SIN3B: variants seen among roughly 807,000 people sequenced by gnomAD.
SIN3B encodes the protein SIN3 transcription regulator family member B.
Under a neutral mutation model 120.2 loss-of-function variants are expected in SIN3B, and 19 were observed. The ratio of observed to expected loss-of-function variants is 0.16; its 90% CI spans 0.11 to 0.23. The LOEUF (loss-of-function observed/expected upper bound fraction) is 0.23. Among genes scored for constraint, SIN3B ranks in the 10% least tolerant of loss-of-function variants. The pLI is 1.00. For synonymous variants in SIN3B, 654 were observed against 653.2 expected (o/e 1.00, Z -0.02); for missense variants, 1,073 against 1,573.0 (o/e 0.68, Z 5.38).
At position 16,871,310 on chromosome 19, in the gene SIN3B, A is replaced by G. The variant is rs149583340; in HGVS notation, c.2504A>G (p.Gln835Arg). 413 of 1,614,038 alleles carry G rather than the reference A, an allele frequency of 2.6e-4. No homozygotes were observed. The highest frequency in any genetic ancestry group is 5.1e-5 in the Non-Finnish European group (60 of 1,180,018). The change falls in exon 14 of 19, where the codon CAG (glutamine) becomes CGG (arginine). Residue 835 changes from glutamine (Q) to arginine (R), a missense_variant. By Grantham distance (43) the Gln-to-Arg change is conservative. Coordinates refer to ENST00000248054, the MANE Select transcript of SIN3B (RefSeq NM_001297595.2). ...SLLEGSIDPTQYEDTLREMFT... is the reference protein window; with the variant it reads ...SLLEGSIDPTRYEDTLREMFT... ...CTGGAGGGCAGCATCGACCCCACGC[A>G]GTACGAGGACACCCTACGCGAGATG...
At position 16,831,483 on chromosome 19, in the gene SIN3B, G is replaced by T; in HGVS notation, c.228-11G>T. 2 of 1,612,000 alleles carry T rather than the reference G, an allele frequency of 1.2e-6. No homozygotes were observed. Among genetic ancestry groups the T allele is most frequent in the Non-Finnish European group, 1.7e-6 (2 of 1,178,748 alleles). On this transcript the variant is annotated splice_polypyrimidine_tract_variant and intron_variant, in intron 2 of 18. Coordinates refer to ENST00000248054, the MANE Select transcript of SIN3B (RefSeq NM_001297595.2). Reference sequence around the variant, plus strand: ...CAAGACCCTTTTGCCCACTTCCGTTGTTTCTTCTAGCATCGATACTCCTGG... The same window carrying T: ...CAAGACCCTTTTGCCCACTTCCGTTTTTTCTTCTAGCATCGATACTCCTGG...
intron 3 of SIN3B, among the ~76,000 whole-genome samples, chr19:16,834,181 G>A (rs892483065): frequency 1.3e-5 from 2 of 152,144 alleles, no homozygotes; most frequent in Admixed American, 6.5e-5. Flanking sequence ...GAACAGTCAC[G>A]ACTGCGGGAG....
At chr19:16,861,321 G>C (rs1465498914) in intron 8 of SIN3B, among the ~76,000 whole-genome samples, 2 of 152,172 alleles carry the variant, frequency 1.3e-5, no homozygotes, top group African/African-American at 4.8e-5. Context: ...CTGCAGGCCA[G>C]TGAAACTTTA....
Position 16,851,462 on chromosome 19 carries a change from C to T in SIN3B, c.777C>T (p.His259=), listed in dbSNP as rs149541599. ...CEMHSVQKNE[H]DKTPEHSRKR... ...TGCACAGCGTGCAGAAGAACGAGCA[C>T]GACAAGACCCCGGAGCACAGCAGGA... Residue 259 remains histidine (H), a synonymous_variant, in exon 6 of 19, where the codon CAC becomes CAT. Coordinates refer to ENST00000248054, the MANE Select transcript of SIN3B (RefSeq NM_001297595.2). 2.6e-5 allele frequency: 42 copies of T among 1,610,242 alleles called. No individual in the cohort carries two copies. The African/African-American group carries it at 2.9e-4, about 11-fold the overall frequency.
At chr19:16,865,306 A>ACCCCCCCC (rs10625481) in intron 10 of SIN3B, 104 bp from the exon 11 acceptor site, 1 of 359,170 alleles carries the variant, frequency 2.8e-6, no homozygotes, top group Non-Finnish European at 5.3e-6. Flanking sequence ...AAATACACAC[A>ACCCCCCCC]CCCCCCCCCC....
chr19:16,850,930 C>T (rs563734515), intron 5 of SIN3B, among the ~76,000 whole-genome samples: 1 of 151,564 alleles, frequency 6.6e-6, no homozygotes, highest in South Asian at 2.1e-4. Context: ...CCCCCAGAAA[C>T]GTTTTGTCAT....
intron 17 of SIN3B, 38 bp downstream of exon 17, chr19:16,877,677 C>G (rs2051628318): frequency 1.4e-6 from 2 of 1,429,242 alleles, no homozygotes; most frequent in Non-Finnish European, 1.9e-6. Context: ...TTCCTTCCTT[C>G]CTGGGCCCAG....
intron 3 of SIN3B, 126 bp from the exon 4 acceptor site, chr19:16,841,642 T>G: frequency 1.0e-5 from 9 of 863,750 alleles, no homozygotes; most frequent in Non-Finnish European, 1.7e-5. Context: ...CCTTTCCCTG[T>G]CTCTAATACA....
At chr19:16,853,313 G>A (rs926555693) in intron 7 of SIN3B, among the ~76,000 whole-genome samples, 155 bp downstream of exon 7, 3 of 152,236 alleles carry the variant, frequency 2.0e-5, no homozygotes, top group Non-Finnish European at 4.4e-5. Flanking sequence ...CTTTCACTGC[G>A]GAAGGGAATG....
At chr19:16,848,882 C>G (rs1053028735) in intron 5 of SIN3B, among the ~76,000 whole-genome samples, 5 of 152,242 alleles carry the variant, frequency 3.3e-5, no homozygotes, top group African/African-American at 2.4e-5. Context: ...AAGCGATCCT[C>G]CCACCTTGGC....
At chr19:16,853,390 A>G (rs1308335868) in intron 7 of SIN3B, among the ~76,000 whole-genome samples, 2 of 152,286 alleles carry the variant, frequency 1.3e-5, no homozygotes, top group Non-Finnish European at 2.9e-5. Flanking sequence ...GACTCCAAGC[A>G]GAGTATGAAG....
At chr19:16,829,618 C>A in intron 1 of SIN3B, 78 bp downstream of exon 1, 4 of 1,208,944 alleles carry the variant, frequency 3.3e-6, no homozygotes, top group Non-Finnish European at 4.2e-6. Context: ...CCAGGCCCCG[C>A]CCGGCCCCAG....
At position 16,862,466 on chromosome 19, in the gene SIN3B, T is replaced by C. The variant is rs527740364; in HGVS notation, c.1173T>C (p.Tyr391=). 6 of 1,614,222 alleles carry C rather than the reference T, an allele frequency of 3.7e-6. No homozygotes were observed. The African/African-American group carries it at 8.0e-5, about 22-fold the overall frequency. ...SGDGISREID[Y]ASCKRIGSSY... is the part of the protein sequence containing the mutation. ...ACGGGATAAGCCGGGAAATTGATTA[T>C]GCATCCTGCAAGCGCATAGGATCCA... The change falls in exon 9 of 19, where the codon TAT becomes TAC. Residue 391 remains tyrosine, a synonymous_variant. Coordinates refer to ENST00000248054, the MANE Select transcript of SIN3B (RefSeq NM_001297595.2). This position sits in a 1 kb window ranked among gnomAD's most constrained non-coding sequence, Gnocchi z 4.7.
At chr19:16,866,610 G>T in intron 12 of SIN3B, 54 bp downstream of exon 12, 2 of 1,552,578 alleles carry the variant, frequency 1.3e-6, no homozygotes, top group South Asian at 1.1e-5. Context: ...TGGCTCTCCC[G>T]ACCGCCGGGT....
intron 3 of SIN3B, among the ~76,000 whole-genome samples, chr19:16,832,491 C>T (rs1971291844): frequency 6.7e-6 from 1 of 149,980 alleles, no homozygotes; most frequent in South Asian, 2.1e-4. Flanking sequence ...AGCCACCGTG[C>T]CCAGCCTCCT....
chr19:16,851,737 T>C (rs1168611579), intron 6 of SIN3B, among the ~76,000 whole-genome samples: 6 of 152,210 alleles, frequency 3.9e-5, no homozygotes, highest in Non-Finnish European at 1.5e-5. Context: ...TCCTGTGAGA[T>C]TGTTTTGAAA....
rs2258772 is a variant in SIN3B, at chr19:16,879,984, T to C, written c.*1257T>C. 96,279 of 152,254 alleles carry C rather than the reference T, an allele frequency of 0.63. 31,104 individuals carry two copies. Among genetic ancestry groups the C allele is most frequent in the African/African-American group, 0.74 (30,748 of 41,504 alleles). 9.4% of individuals were successfully genotyped at this position (152,254 alleles called of 1,614,324 possible). On this transcript the variant is annotated 3_prime_UTR_variant, in exon 19 of 19. Transcript: ENST00000248054. ...TCCTGTGGAACCTGGAGGCTCCTGA[T>C]GCCTTTGACTCCAGGCTGGGCGATT...
chr19:16,862,654 G>A lies in SIN3B; in HGVS notation c.1266+95G>A. ...ATACCCCCGTTATGAATGAAATGCTGTGTGCTCAGCCCTCCTGAATGTTGG... is the reference window on the plus strand; with the variant it reads ...ATACCCCCGTTATGAATGAAATGCTATGTGCTCAGCCCTCCTGAATGTTGG... On this transcript the variant is annotated intron_variant, in intron 9 of 18. Transcript: ENST00000248054. This position sits in a 1 kb window ranked among gnomAD's most constrained non-coding sequence, Gnocchi z 4.7. 1 of 1,285,674 alleles carries A rather than the reference G, an allele frequency of 7.8e-7. No individual in the cohort carries two copies. Among genetic ancestry groups the A allele is most frequent in the Non-Finnish European group, 1.1e-6 (1 of 901,678 alleles). The allele number at this position is 1,285,674 out of a possible 1,614,324, so 79.6% of individuals were successfully genotyped here. A position where few individuals can be genotyped will look rare whatever the true frequency, so the allele number is the denominator to read the frequency against.
In SIN3B at chr19:16,876,462, G is replaced by T; in HGVS notation, c.2767-24G>T. On this transcript the variant is annotated intron_variant, in intron 15 of 18. Coordinates refer to ENST00000248054, the MANE Select transcript of SIN3B (RefSeq NM_001297595.2). This position sits in a 1 kb window ranked among gnomAD's most constrained non-coding sequence, Gnocchi z 7.1. ...CGGCTGGGCTGTGCCGGCAGTGGAG[G>T]CTGTCAGCGTTCCTGCTCCGCAGGT... 6.2e-7 allele frequency: 1 copy of T among 1,604,090 alleles called. No individual in the cohort carries two copies. The highest frequency in any genetic ancestry group is 8.5e-7 in the Non-Finnish European group (1 of 1,172,760).
Sources: allele counts gnomAD v4.1 joint callset (sites outside exome capture counted in the v4.1 genomes callset), GRCh38; gene constraint gnomAD v4.1.1; non-coding constraint Gnocchi (gnomAD v3.1); transcripts MANE v1.5; gene names NCBI Gene and HGNC (gene_info 2026-07-23, HGNC 2026-07-21).